Variants in FBXO4 observed in about 807,000 individuals in gnomAD.
FBXO4 encodes F-box only protein 4.
Under a neutral mutation model 43.7 loss-of-function variants are expected in FBXO4, and 36 were observed. The observed-to-expected ratio is 0.82, with a 90% CI of 0.63 to 1.09. The LOEUF (loss-of-function observed/expected upper bound fraction) is 1.09, where lower values mean the gene tolerates loss of function less well. Ranked by LOEUF, FBXO4 falls within the 50% of genes least tolerant of loss-of-function variation. The probability of loss-of-function intolerance (pLI) is 0.00; values close to 1 mark genes in which losing one functional copy is unlikely to be tolerated. For synonymous variants in FBXO4, 180 were observed against 165.6 expected (o/e 1.09, Z -0.67); for missense variants, 435 against 474.1 (o/e 0.92, Z 0.77).
chr5:42,039,730 G>A, the FBXO4 span, among the ~76,000 whole-genome samples: 1,189 of 152,086 alleles, frequency 7.8e-3, 13 homozygotes, highest in African/African-American at 0.027. Flanking sequence ...TACCTTATAC[G>A]GCAAAGGTGA....
chr5:41,997,006 G>C, the FBXO4 span, among the ~76,000 whole-genome samples: 1 of 152,226 alleles, frequency 6.6e-6, no homozygotes, highest in African/African-American at 2.4e-5. Context: ...AGTTCTCTCT[G>C]AATAAGATTA....
chr5:41,943,230 T>C (rs1047353875), downstream of FBXO4, among the ~76,000 whole-genome samples: 1 of 152,116 alleles, frequency 6.6e-6, no homozygotes, highest in Non-Finnish European at 1.5e-5. Context: ...AATTAAAAAA[T>C]CAATTTCCTG....
chr5:42,037,789 C>A, the FBXO4 span, among the ~76,000 whole-genome samples: 2,515 of 152,174 alleles, frequency 0.017, 77 homozygotes, highest in African/African-American at 0.058. Context: ...CTAACCCCAA[C>A]TAATCAATGA....
At chr5:41,973,448 G>T in the FBXO4 span, among the ~76,000 whole-genome samples, 3 of 152,152 alleles carry the variant, frequency 2.0e-5, no homozygotes, top group African/African-American at 7.2e-5. Flanking sequence ...ATGGTGAGGC[G>T]AGAGGATTGC....
the FBXO4 span, among the ~76,000 whole-genome samples, chr5:41,991,386 C>T: frequency 1.3e-5 from 2 of 152,204 alleles, no homozygotes; most frequent in South Asian, 2.1e-4. Context: ...CTGATGATAT[C>T]GTCCTCAGAA....
chr5:41,979,833 A>C, the FBXO4 span, among the ~76,000 whole-genome samples: 1 of 152,340 alleles, frequency 6.6e-6, no homozygotes, highest in East Asian at 1.9e-4. Context: ...ATCCTCTCTT[A>C]TTGCTAAAGA....
chr5:41,977,899 C>G, the FBXO4 span, among the ~76,000 whole-genome samples: 1,768 of 152,272 alleles, frequency 0.012, 79 homozygotes, highest in Admixed American at 0.074. Context: ...TTTCTGGTAT[C>G]TTTATAGCAA....
At chr5:42,011,844 T>C in the FBXO4 span, among the ~76,000 whole-genome samples, 1 of 152,236 alleles carries the variant, frequency 6.6e-6, no homozygotes, top group Non-Finnish European at 1.5e-5. Flanking sequence ...CATTTATAGA[T>C]GGACATTCCT....
the FBXO4 span, among the ~76,000 whole-genome samples, chr5:41,988,379 C>T: frequency 0.087 from 13,179 of 152,124 alleles, 771 homozygotes; most frequent in African/African-American, 0.16. Context: ...CTTCATCTTT[C>T]TTGAAGGGTA....
chr5:42,025,355 T>C, the FBXO4 span, among the ~76,000 whole-genome samples: 1 of 152,104 alleles, frequency 6.6e-6, no homozygotes, highest in Non-Finnish European at 1.5e-5. Context: ...ATATGTCTTC[T>C]TTTGAGAAAT....
At chr5:41,991,522 C>G in the FBXO4 span, among the ~76,000 whole-genome samples, 2 of 152,174 alleles carry the variant, frequency 1.3e-5, no homozygotes, top group African/African-American at 4.8e-5. Flanking sequence ...GAGAAATAAC[C>G]AAGCCATGCT....
chr5:41,999,481 A>ATATATG, the FBXO4 span, among the ~76,000 whole-genome samples: 23 of 10,394 alleles, frequency 2.2e-3, no homozygotes, highest in African/African-American at 4.3e-3. Context: ...ATATATACAC[A>ATATATG]TATATATATA....
rs750103142 is a variant in FBXO4 at position 41,934,030 on chromosome 5, A to G, written c.722+9A>G. The G allele has an allele frequency of 9.9e-6, 16 of 1,611,892 alleles. No individual in the cohort carries two copies. In the East Asian group the frequency reaches 2.5e-4, roughly 25 times the overall value. ...TTATATTCAACTACCAGGTAAGGCT[A>G]CATACTTGGTGGCTTAACTGAAACA... On this transcript the variant is annotated intron_variant, in intron 4 of 6. Coordinates refer to ENST00000281623, the MANE Select transcript of FBXO4 (RefSeq NM_012176.3).
At chr5:41,977,811 C>T in the FBXO4 span, among the ~76,000 whole-genome samples, 2 of 152,174 alleles carry the variant, frequency 1.3e-5, no homozygotes, top group East Asian at 1.9e-4. Flanking sequence ...AACTTTTCCT[C>T]ATCTTCTTTT....
At chr5:41,983,707 C>T in the FBXO4 span, among the ~76,000 whole-genome samples, 1 of 151,998 alleles carries the variant, frequency 6.6e-6, no homozygotes, top group Middle Eastern at 3.4e-3. Flanking sequence ...ATTGCAATTG[C>T]TATGTCTGTT....
chr5:41,980,439 T>G, the FBXO4 span, among the ~76,000 whole-genome samples: 1 of 152,166 alleles, frequency 6.6e-6, no homozygotes, highest in East Asian at 1.9e-4. Context: ...TCCGTTTTCT[T>G]TAATCTCCAT....
chr5:41,978,270 C>A, the FBXO4 span, among the ~76,000 whole-genome samples: 1 of 152,002 alleles, frequency 6.6e-6, no homozygotes, highest in Non-Finnish European at 1.5e-5. Context: ...AGGGATCTAC[C>A]CCTGTGAAAA....
chr5:41,931,175 G>A (rs920525364), intron 3 of FBXO4, among the ~76,000 whole-genome samples: 1 of 152,154 alleles, frequency 6.6e-6, no homozygotes. Context: ...ATTAGAAGGG[G>A]CTAAAGATAT....
At chr5:42,025,368 C>G in the FBXO4 span, among the ~76,000 whole-genome samples, 1 of 151,868 alleles carries the variant, frequency 6.6e-6, no homozygotes, top group Non-Finnish European at 1.5e-5. Context: ...TGAGAAATGC[C>G]TATTCAGATC....
Sources: gnomAD v4.1 joint callset for allele counts (sites outside exome capture counted in the v4.1 genomes callset) on GRCh38, gnomAD v4.1.1 for gene constraint, MANE v1.5 for transcripts, NCBI Gene and HGNC (gene_info 2026-07-23, HGNC 2026-07-21) for gene names.